RPA3: variants seen among roughly 807,000 people sequenced by gnomAD.
RPA3 encodes replication protein A 14 kDa subunit.
RPA3 carries 24 observed loss-of-function variants against 13.7 expected under a neutral mutation model. The observed-to-expected ratio is 1.75, with a 90% CI of 1.27 to 2.46. RPA3 has a LOEUF of 2.46. Ranked by LOEUF, RPA3 falls within the 30% of genes most tolerant of loss-of-function variation. RPA3 has a pLI of 0.00. For missense variants in RPA3, 183 were observed against 151.0 expected (o/e 1.21, Z -1.11); for synonymous variants, 59 against 51.2 (o/e 1.15, Z -0.65).
intron 4 of RPA3, among the ~76,000 whole-genome samples, chr7:7,664,911 G>A (rs1349765715): frequency 6.6e-6 from 1 of 152,012 alleles, no homozygotes; most frequent in Non-Finnish European, 1.5e-5. Context: ...AAAGGAGGAA[G>A]GTTAAACATC....
intron 4 of RPA3, among the ~76,000 whole-genome samples, chr7:7,658,260 A>G (rs951779640): frequency 2.7e-4 from 41 of 152,224 alleles, no homozygotes; most frequent in Non-Finnish European, 4.1e-4. Flanking sequence ...CTGCAAACAG[A>G]GACAATTTGG....
chr7:7,700,781 G>A (rs188580947), intron 2 of RPA3, among the ~76,000 whole-genome samples: 1 of 152,178 alleles, frequency 6.6e-6, no homozygotes, highest in African/African-American at 2.4e-5. Context: ...AAAGCTACTC[G>A]GGAGGCTGAG....
chr7:7,696,500 G>T (rs1780321976), intron 2 of RPA3, among the ~76,000 whole-genome samples: 2 of 152,142 alleles, frequency 1.3e-5, no homozygotes, highest in South Asian at 4.1e-4. Flanking sequence ...CCTGTTATAT[G>T]AATTTAGTTA....
At chr7:7,639,239 T>C in intron 5 of RPA3, 95 bp from the exon 6 acceptor site, 1 of 838,868 alleles carries the variant, frequency 1.2e-6, no homozygotes, top group Admixed American at 2.5e-5. Flanking sequence ...ACAAATCAAC[T>C]GTTTCTTGAA....
chr7:7,704,349 T>C (rs1371211380), intron 2 of RPA3, among the ~76,000 whole-genome samples: 12 of 152,124 alleles, frequency 7.9e-5, no homozygotes, highest in South Asian at 6.2e-4. Context: ...TGATTTCTAA[T>C]ATGAAAAATA....
chr7:7,640,253 C>G (rs1423342091), intron 5 of RPA3, 67 bp downstream of exon 5: 2 of 1,505,964 alleles, frequency 1.3e-6, no homozygotes, highest in African/African-American at 2.8e-5. Context: ...TTTCATCCCC[C>G]GTTATCCAGG....
intron 4 of RPA3, among the ~76,000 whole-genome samples, chr7:7,666,940 T>C (rs10232335): frequency 3.3e-5 from 5 of 152,164 alleles, no homozygotes; most frequent in African/African-American, 1.2e-4. Context: ...CCTGAGTAGC[T>C]GGGATTGCAG....
In RPA3 at chr7:7,649,102, A is replaced by G. The variant is rs1261175052; in HGVS notation, c.-757-7927T>C. On this transcript the variant is annotated intron_variant, in intron 4 of 7. Transcript: ENST00000223129. ...GAACCCAGGAAGTGGAGATTGCAGTAAGCCAAGATTGTGCCACTGCACTCC... is the reference window on the plus strand; with the variant it reads ...GAACCCAGGAAGTGGAGATTGCAGTGAGCCAAGATTGTGCCACTGCACTCC... 3.3e-5 allele frequency among the ~76,000 whole-genome samples: 5 copies of G among 149,470 alleles called. No individual in the cohort carries two copies. The South Asian group carries it at 6.4e-4, about 19-fold the overall frequency.
At chr7:7,649,839 AT>A (rs1785185442) in intron 4 of RPA3, among the ~76,000 whole-genome samples, 1 of 152,132 alleles carries the variant, frequency 6.6e-6, no homozygotes, top group Admixed American at 6.5e-5. Flanking sequence ...CATGAATTGG[AT>A]TCATGCCCTT....
intron 4 of RPA3, among the ~76,000 whole-genome samples, chr7:7,653,692 T>A (rs529792441): frequency 6.6e-6 from 1 of 152,334 alleles, no homozygotes; most frequent in East Asian, 1.9e-4. Flanking sequence ...TAGGGGAATG[T>A]CTTTACCTAG....
At chr7:7,638,331 T>C (rs1176572921) in intron 6 of RPA3, 1 of 156,102 alleles carries the variant, frequency 6.4e-6, no homozygotes, top group Non-Finnish European at 1.4e-5. Flanking sequence ...AAACAGCATA[T>C]GGATTTGTCT....
At position 7,705,720 on chromosome 7, in the gene RPA3, A is replaced by G. The variant is rs28912699; in HGVS notation, c.-1028+9455T>C. On this transcript the variant is annotated intron_variant, in intron 2 of 7. Coordinates refer to ENST00000223129, the MANE Select transcript of RPA3 (RefSeq NM_002947.5). The stretch of plus-strand genomic sequence containing the variant: ...CTTATGTTAATATATTGGTGGGTAC[A>G]TGTCATTATAAATTTGTCCAAACTC... Among the ~76,000 whole-genome samples the G allele has an allele frequency of 4.5e-3, 679 of 152,310 alleles. 7 individuals carry two copies. The highest frequency in any genetic ancestry group is 0.016 in the African/African-American group (654 of 41,568).
chr7:7,640,284 A>G, intron 5 of RPA3, 36 bp downstream of exon 5: 1 of 1,606,166 alleles, frequency 6.2e-7, no homozygotes, highest in Admixed American at 1.7e-5. Context: ...CCCTCCAGCT[A>G]CGGACTTGGG....
intron 4 of RPA3, among the ~76,000 whole-genome samples, chr7:7,671,162 C>A (rs1779595844): frequency 6.6e-6 from 1 of 152,212 alleles, no homozygotes; most frequent in South Asian, 2.1e-4. Flanking sequence ...GTACAACTCT[C>A]AAAAATTTTG....
At chr7:7,691,042 C>G (rs1032217925) in intron 2 of RPA3, among the ~76,000 whole-genome samples, 3 of 152,074 alleles carry the variant, frequency 2.0e-5, no homozygotes, top group African/African-American at 7.2e-5. Context: ...ATGGTACAAA[C>G]CTGTATTTTT....
At chr7:7,651,872 C>G (rs1785229477) in intron 4 of RPA3, among the ~76,000 whole-genome samples, 1 of 152,186 alleles carries the variant, frequency 6.6e-6, no homozygotes, top group Non-Finnish European at 1.5e-5. Flanking sequence ...CTTTCTTCTG[C>G]TCAGAGTTTT....
At chr7:7,712,999 T>A (rs1247692018) in intron 2 of RPA3, among the ~76,000 whole-genome samples, 1 of 152,094 alleles carries the variant, frequency 6.6e-6, no homozygotes, top group African/African-American at 2.4e-5. Flanking sequence ...GACTAGCCTA[T>A]TGTGTCAATT....
Position 7,698,694 on chromosome 7 carries a change from A to AT in RPA3, c.-1027-11367_-1027-11366insA, listed in dbSNP as rs547772444. On this transcript the variant is annotated intron_variant, in intron 2 of 7. Transcript: ENST00000223129. ...AAATTTGGTTTGGAGCATCCTTTCA[A>AT]CCTTCTTTCTCCAGCTCTTAATAAT... Among the ~76,000 whole-genome samples the AT allele has an allele frequency of 6.6e-5, 10 of 151,728 alleles. No individual in the cohort carries two copies. The South Asian group carries it at 2.1e-3, about 32-fold the overall frequency.
intron 4 of RPA3, among the ~76,000 whole-genome samples, chr7:7,642,808 G>T (rs3757526): frequency 0.066 from 10,042 of 152,194 alleles, 448 homozygotes; most frequent in Middle Eastern, 0.12. Context: ...CCTTGCTACA[G>T]CCATAAGTAA....
Sources: gnomAD v4.1 joint callset for allele counts (sites outside exome capture counted in the v4.1 genomes callset) on GRCh38, gnomAD v4.1.1 for gene constraint, MANE v1.5 for transcripts, NCBI Gene and HGNC (gene_info 2026-07-23, HGNC 2026-07-21) for gene names.